The following SPTBN1 variants were observed in gnomAD, a reference collection of about 807,000 sequenced individuals.
SPTBN1 encodes spectrin beta chain, non-erythrocytic 1.
A neutral mutation model predicts 266.4 loss-of-function variants in SPTBN1; 32 were observed. The ratio of observed to expected loss-of-function variants is 0.12; its 90% CI spans 0.09 to 0.16. The LOEUF is 0.16. Among genes scored for constraint, SPTBN1 ranks in the 10% least tolerant of loss-of-function variants. The probability of loss-of-function intolerance (pLI) is 1.00; values close to 1 mark genes in which losing one functional copy is unlikely to be tolerated. For missense variants in SPTBN1, 2,296 were observed against 3,067.1 expected (o/e 0.75, Z 5.94); for synonymous variants, 1,336 against 1,162.2 (o/e 1.15, Z -3.04).
At chr2:54,665,033 A>G (rs1223720677) in intron 33 of SPTBN1, among the ~76,000 whole-genome samples, 1 of 152,198 alleles carries the variant, frequency 6.6e-6, no homozygotes, top group Admixed American at 6.5e-5. Flanking sequence ...AAAAGCCATT[A>G]ACCATTTCCC....
rs1395407549 is a variant in SPTBN1, at chr2:54,649,188, A to G, written c.5200A>G (p.Thr1734Ala). 3.1e-6 allele frequency: 5 copies of G among 1,595,368 alleles called. No homozygotes were observed. In the South Asian group the frequency reaches 5.5e-5, roughly 18 times the overall value. Residue 1734 changes from threonine to alanine, a missense_variant and splice_region_variant, in exon 25 of 36, where the codon ACG becomes GCG. Around this residue, in one of 12 missense-constraint regions of SPTBN1, gnomAD observed 644 missense variants for 745.3 expected, o/e 0.86. Coordinates refer to ENST00000356805, the MANE Select transcript of SPTBN1 (RefSeq NM_003128.3). This position sits in a 1 kb window ranked among gnomAD's most constrained non-coding sequence, Gnocchi z 6.7. ...ACTGGGACAGGACTATGAGCATGTC[A>G]CGGCAAGTACTTGAGGCAGTGCATG... is the stretch of plus-strand genomic sequence containing the variant. ...HELGQDYEHV[T>A]MLQERFREFA... is the part of the protein sequence containing the mutation.
intron 1 of SPTBN1, among the ~76,000 whole-genome samples, chr2:54,474,809 T>C (rs181911920): frequency 3.9e-5 from 6 of 152,312 alleles, no homozygotes; most frequent in East Asian, 1.9e-4. Context: ...CAGAGCTGTT[T>C]TGTATTTTCT....
At chr2:54,494,115 C>CA (rs1407516894) in intron 1 of SPTBN1, among the ~76,000 whole-genome samples, 1 of 152,170 alleles carries the variant, frequency 6.6e-6, no homozygotes, top group East Asian at 1.9e-4. Flanking sequence ...GGACAGCAGA[C>CA]AGAGTGCAAG....
rs368129156 is a variant in SPTBN1, at chr2:54,493,657, C to G, written c.-47-32715C>G. ...CCTCAAGTTATCCACCTGCCTTGGC[C>G]TCCCAAAGTGTTGGGATTACAGGCA... On this transcript the variant is annotated intron_variant, in intron 1 of 35. Coordinates refer to ENST00000356805, the MANE Select transcript of SPTBN1 (RefSeq NM_003128.3). 5.9e-5 allele frequency among the ~76,000 whole-genome samples: 9 copies of G among 152,350 alleles called. No individual in the cohort carries two copies. In the East Asian group the frequency reaches 1.7e-3, roughly 29 times the overall value.
At chr2:54,637,910 TC>T in intron 18 of SPTBN1, 107 bp downstream of exon 18, 1 of 924,460 alleles carries the variant, frequency 1.1e-6, no homozygotes, top group Non-Finnish European at 1.7e-6. Context: ...AAACCAGAAA[TC>T]CATAGCACCC....
At position 54,664,673 on chromosome 2, in the gene SPTBN1, A is replaced by G. The variant is rs762760886; in HGVS notation, c.6641A>G (p.Asn2214Ser). ...CGGAAACACGAGTGGGAGGCCCACA[A>G]TAAGAAAGCCTCAAGCAGGTAACAG... Reference protein sequence around the residue: ...LNRKHEWEAHNKKASSRSWHN... With the variant: ...LNRKHEWEAHSKKASSRSWHN... The change falls in exon 33 of 36, where the codon AAT (asparagine) becomes AGT (serine). Residue 2214 changes from asparagine to serine, a missense_variant. Around this residue, in one of 12 missense-constraint regions of SPTBN1, gnomAD observed 347 missense variants for 368.5 expected, o/e 0.94. Coordinates refer to ENST00000356805, the MANE Select transcript of SPTBN1 (RefSeq NM_003128.3). This position sits in a 1 kb window ranked among gnomAD's most constrained non-coding sequence, Gnocchi z 5.6. 39 of 1,614,014 alleles carry G rather than the reference A, an allele frequency of 2.4e-5. No homozygotes were observed. Among genetic ancestry groups the G allele is most frequent in the Non-Finnish European group, 3.0e-5 (35 of 1,180,008 alleles).
chr2:54,487,499 T>C (rs1282039429), intron 1 of SPTBN1, among the ~76,000 whole-genome samples: 1 of 152,168 alleles, frequency 6.6e-6, no homozygotes, highest in African/African-American at 2.4e-5. Flanking sequence ...AATACCAACA[T>C]CATTTTCTCT....
intron 2 of SPTBN1, among the ~76,000 whole-genome samples, chr2:54,572,513 G>A (rs1428466861): frequency 6.6e-6 from 1 of 152,180 alleles, no homozygotes; most frequent in East Asian, 1.9e-4. Context: ...ATAGAGGCTG[G>A]GCTTCAGAAA....
intron 2 of SPTBN1, among the ~76,000 whole-genome samples, chr2:54,543,331 C>T (rs1355794519): frequency 1.3e-5 from 2 of 152,204 alleles, no homozygotes; most frequent in African/African-American, 4.8e-5. Context: ...TTAATTATAA[C>T]ATTTCATTAT....
intron 1 of SPTBN1, among the ~76,000 whole-genome samples, chr2:54,499,245 A>G (rs1305828229): frequency 6.6e-6 from 1 of 152,088 alleles, no homozygotes. Context: ...TTTTCTCCTT[A>G]TTTAAGGAAA....
chr2:54,605,791 G>A (rs1290634038), intron 3 of SPTBN1, among the ~76,000 whole-genome samples: 1 of 152,206 alleles, frequency 6.6e-6, no homozygotes, highest in East Asian at 1.9e-4. Flanking sequence ...GTACCACCAG[G>A]AGGTCATCTC....
At chr2:54,662,823 T>G (rs536022864) in intron 32 of SPTBN1, 1 of 152,370 alleles carries the variant, frequency 6.6e-6, no homozygotes, top group African/African-American at 2.4e-5. Context: ...CTGTTGCTCA[T>G]AAGCACGTGT....
At position 54,659,922 on chromosome 2, in the gene SPTBN1, C is replaced by G; in HGVS notation, c.6357-14C>G. ...CTTCCTTTCCCTTCCTCCTTTTCCCCTCTTCCCTAACAGGGATACTTCAAA... is the reference window on the plus strand; with the variant it reads ...CTTCCTTTCCCTTCCTCCTTTTCCCGTCTTCCCTAACAGGGATACTTCAAA... On this transcript the variant is annotated splice_polypyrimidine_tract_variant and intron_variant, in intron 31 of 35. Coordinates refer to ENST00000356805, the MANE Select transcript of SPTBN1 (RefSeq NM_003128.3). 1.2e-6 allele frequency: 2 copies of G among 1,611,708 alleles called. No homozygotes were observed. The highest frequency in any genetic ancestry group is 8.5e-7 in the Non-Finnish European group (1 of 1,178,366).
intron 18 of SPTBN1, among the ~76,000 whole-genome samples, chr2:54,640,836 G>T (rs780644509): frequency 2.0e-5 from 3 of 152,226 alleles, no homozygotes; most frequent in Non-Finnish European, 4.4e-5. Context: ...ACAGGTGTGG[G>T]CCACCACGCC....
At position 54,659,234 on chromosome 2, in the gene SPTBN1, G is replaced by C; in HGVS notation, c.6324G>C (p.Lys2108Asn). 7.4e-6 allele frequency: 12 copies of C among 1,614,132 alleles called. No individual in the cohort carries two copies. Among genetic ancestry groups the C allele is most frequent in the Non-Finnish European group, 1.0e-5 (12 of 1,180,010 alleles). The change falls in exon 31 of 36, where the codon AAG (lysine) becomes AAC (asparagine). Residue 2108 changes from lysine to asparagine, a missense_variant. This residue lies in a region of SPTBN1 where 347 missense variants were observed against 368.5 expected (regional missense o/e 0.94). Coordinates refer to ENST00000356805, the MANE Select transcript of SPTBN1 (RefSeq NM_003128.3). ...RRPPSPEPSTKVSEEAESQQQ... is the reference protein window; with the variant it reads ...RRPPSPEPSTNVSEEAESQQQ... Reference sequence around the variant, plus strand: ...CGCCTTCTCCCGAGCCGAGCACGAAGGTTTCAGAGGAAGCCGAGTCCCAGC... The same window carrying C: ...CGCCTTCTCCCGAGCCGAGCACGAACGTTTCAGAGGAAGCCGAGTCCCAGC...
chr2:54,599,896 A>C (rs1245575218), intron 3 of SPTBN1, among the ~76,000 whole-genome samples: 1 of 152,202 alleles, frequency 6.6e-6, no homozygotes, highest in Non-Finnish European at 1.5e-5. Flanking sequence ...CTTATACCAA[A>C]GAAGCTTAAA....
chr2:54,525,932 A>G (rs1015572739), intron 1 of SPTBN1, among the ~76,000 whole-genome samples: 17 of 151,984 alleles, frequency 1.1e-4, no homozygotes, highest in Admixed American at 1.1e-3. Flanking sequence ...GGTTTTCACC[A>G]TGTTGGCCAG....
chr2:54,473,658 T>G (rs542611434), intron 1 of SPTBN1, among the ~76,000 whole-genome samples: 1 of 152,320 alleles, frequency 6.6e-6, no homozygotes, highest in East Asian at 1.9e-4. Flanking sequence ...ATATTTTGGA[T>G]AGTTTTCACC....
intron 1 of SPTBN1, among the ~76,000 whole-genome samples, chr2:54,522,694 AGAG>A (rs1670541708): frequency 2.8e-5 from 4 of 145,232 alleles, no homozygotes; most frequent in African/African-American, 1.0e-4. Context: ...AGAGAGAGAG[AGAG>A]AGAAAGAAAG....
Sources: allele counts gnomAD v4.1 joint callset (sites outside exome capture counted in the v4.1 genomes callset), GRCh38; gene constraint gnomAD v4.1.1; regional missense constraint gnomAD v4.1.1; non-coding constraint Gnocchi (gnomAD v3.1); transcripts MANE v1.5; gene names NCBI Gene and HGNC (gene_info 2026-07-23, HGNC 2026-07-21).